CCDC149: variants seen among roughly 807,000 people sequenced by gnomAD.
CCDC149 encodes coiled-coil domain-containing protein 149.
CCDC149 carries 45 observed loss-of-function variants against 59.9 expected under a neutral mutation model. The observed-to-expected ratio is 0.75, with a 90% CI of 0.59 to 0.96. The LOEUF (loss-of-function observed/expected upper bound fraction) is 0.96. Ranked by LOEUF, CCDC149 falls within the 40% of genes least tolerant of loss-of-function variation. The pLI is 0.00. For missense variants in CCDC149, 584 were observed against 664.7 expected, an observed-to-expected ratio of 0.88 and a Z score of 1.33; for synonymous variants, 245 against 260.6, an observed-to-expected ratio of 0.94 and a Z score of 0.58.
At chr4:24,891,754 T>C (rs1234189821) in intron 1 of CCDC149, among the ~76,000 whole-genome samples, 1 of 152,176 alleles carries the variant, frequency 6.6e-6, no homozygotes. Flanking sequence ...ATCCCAGCAC[T>C]TTAGGAGGCC....
At chr4:24,824,549 C>A (rs1577384118) in intron 9 of CCDC149, among the ~76,000 whole-genome samples, 1 of 152,168 alleles carries the variant, frequency 6.6e-6, no homozygotes, top group African/African-American at 2.4e-5. Context: ...GTATTGTTAT[C>A]CTCCTTTTAC....
At position 24,876,711 on chromosome 4, in the gene CCDC149, A is replaced by G. The variant is rs1456358079; in HGVS notation, c.64-14T>C. 5 of 1,596,344 alleles carry G rather than the reference A, an allele frequency of 3.1e-6. No individual in the cohort carries two copies. In the African/African-American group the frequency reaches 6.7e-5, roughly 21 times the overall value. The stretch of plus-strand genomic sequence containing the variant: ...ACACACCAGGTACTGCAAAGCAAAC[A>G]AATCCAGGCAATGGGTCAAAAACAT... On this transcript the variant is annotated splice_polypyrimidine_tract_variant and intron_variant, in intron 1 of 12. Coordinates refer to ENST00000635206, the MANE Select transcript of CCDC149 (RefSeq NM_001330643.2).
At chr4:24,873,312 A>T (rs887782220) in intron 3 of CCDC149, among the ~76,000 whole-genome samples, 1 of 152,222 alleles carries the variant, frequency 6.6e-6, no homozygotes, top group African/African-American at 2.4e-5. Context: ...AACAGTATAT[A>T]TCCACTGAAC....
intron 4 of CCDC149, among the ~76,000 whole-genome samples, chr4:24,849,937 C>A (rs1056954722): frequency 6.6e-6 from 1 of 152,190 alleles, no homozygotes; most frequent in African/African-American, 2.4e-5. Context: ...TATCCCTTGT[C>A]CCCCAAGGCT....
chr4:24,879,748 G>A (rs1220349221), intron 1 of CCDC149, among the ~76,000 whole-genome samples: 1 of 152,028 alleles, frequency 6.6e-6, no homozygotes, highest in African/African-American at 2.4e-5. Context: ...TGGGATGCTT[G>A]TTAAAATGCA....
chr4:24,819,976 CT>C lies in CCDC149; in HGVS notation c.1076-2del, dbSNP rs1401557893. 2.6e-6 allele frequency: 4 copies of C among 1,545,688 alleles called. No individual in the cohort carries two copies. The East Asian group carries it at 9.8e-5, about 38-fold the overall frequency. Reference sequence around the variant, plus strand: ...CTGAACAGTATGGTGTCCTTGCCCCCTGTTGCAGAAAAGAGGAAAATGGATG... The same window carrying C: ...CTGAACAGTATGGTGTCCTTGCCCCCGTTGCAGAAAAGAGGAAAATGGATG... On this transcript the variant is annotated splice_acceptor_variant, in intron 11 of 12. Transcript: ENST00000635206. LOFTEE classifies it high-confidence loss of function.
At chr4:24,935,377 G>C (rs1297914377) in intron 1 of CCDC149, among the ~76,000 whole-genome samples, 1 of 152,266 alleles carries the variant, frequency 6.6e-6, no homozygotes, top group East Asian at 1.9e-4. Flanking sequence ...AATAATTCAA[G>C]GGGACTATTA....
At chr4:24,904,836 G>T (rs1008173902) in intron 1 of CCDC149, among the ~76,000 whole-genome samples, 5 of 152,110 alleles carry the variant, frequency 3.3e-5, no homozygotes, top group Non-Finnish European at 7.4e-5. Flanking sequence ...CTCTTCTTCA[G>T]TGCAGGGTTT....
chr4:24,890,371 T>C (rs1445335487), intron 1 of CCDC149, among the ~76,000 whole-genome samples: 1 of 152,092 alleles, frequency 6.6e-6, no homozygotes, highest in African/African-American at 2.4e-5. Context: ...AAAAAAAAAT[T>C]ATGAAGCTTG....
At chr4:24,827,871 A>C (rs971301366) in intron 9 of CCDC149, 2 of 152,188 alleles carry the variant, frequency 1.3e-5, no homozygotes, top group African/African-American at 4.8e-5. Flanking sequence ...AAATAAAGCC[A>C]TTTCTTTTCT....
intron 8 of CCDC149, 113 bp from the exon 9 acceptor site, chr4:24,831,763 T>A: frequency 1.1e-6 from 1 of 926,604 alleles, no homozygotes; most frequent in South Asian, 1.8e-5. Context: ...AAAATGCTAC[T>A]ATGTTGTATT....
rs1238651327 is a variant in CCDC149, at chr4:24,884,966, TGTGACAA to T, written c.64-8276_64-8270del. On this transcript the variant is annotated intron_variant, in intron 1 of 12. Transcript: ENST00000635206. ...CATCTTGGTTGGGGATAGACGGAGC[TGTGACAA>T]GTGGCAGTGACAGGGAAAATGTTAC... Among the ~76,000 whole-genome samples, 5 of 152,112 alleles carry T rather than the reference TGTGACAA, an allele frequency of 3.3e-5. No homozygotes were observed. In the East Asian group the frequency reaches 9.6e-4, roughly 29 times the overall value.
chr4:24,849,430 G>A (rs1265606432), intron 4 of CCDC149, among the ~76,000 whole-genome samples: 3 of 152,122 alleles, frequency 2.0e-5, no homozygotes, highest in Non-Finnish European at 4.4e-5. Context: ...GTTAGTTTGG[G>A]AGCCTAAGAA....
intron 4 of CCDC149, among the ~76,000 whole-genome samples, chr4:24,842,312 C>T (rs1407540451): frequency 6.6e-6 from 1 of 152,218 alleles, no homozygotes; most frequent in Non-Finnish European, 1.5e-5. Flanking sequence ...TTTCCCCACA[C>T]AGAAGCCCAC....
At chr4:24,961,972 A>C (rs1340461551) in intron 1 of CCDC149, among the ~76,000 whole-genome samples, 4 of 151,294 alleles carry the variant, frequency 2.6e-5, no homozygotes, top group Non-Finnish European at 4.4e-5. Context: ...GATCTAATTC[A>C]ACTAAAGAGC....
At chr4:24,913,462 A>G (rs977046172), upstream of CCDC149, among the ~76,000 whole-genome samples, 1 of 152,266 alleles carries the variant, frequency 6.6e-6, no homozygotes, top group Non-Finnish European at 1.5e-5. Flanking sequence ...GAATGAATGA[A>G]CCACGTTTTA....
chr4:24,943,452 C>G lies in CCDC149; in HGVS notation c.-65+36617G>C, dbSNP rs199581254. ...AAAGACTTAAATGTTAGACCTAAAA[C>G]CATAAAAACCCTAGAAGAAAACCTA... is the stretch of plus-strand genomic sequence containing the variant. On this transcript the variant is annotated intron_variant, in intron 1 of 12. Transcript: ENST00000389609. Among the ~76,000 whole-genome samples the G allele has an allele frequency of 3.3e-5, 5 of 152,034 alleles. No individual in the cohort carries two copies. In the East Asian group the frequency reaches 9.7e-4, roughly 29 times the overall value.
intron 1 of CCDC149, among the ~76,000 whole-genome samples, chr4:24,886,490 A>G (rs1340138658): frequency 6.6e-6 from 1 of 152,240 alleles, no homozygotes; most frequent in African/African-American, 2.4e-5. Context: ...ATTAATGTAC[A>G]CAGACTGTAT....
At position 24,876,689 on chromosome 4, in the gene CCDC149, C is replaced by T. The variant is rs1560232326; in HGVS notation, c.72G>A (p.Val24=). Residue 24 remains valine, a synonymous_variant, in exon 2 of 13, where the codon GTG becomes GTA. Transcript: ENST00000635206. ...TCTTACTCTCCAGCTTCCTCTTACACACCAGGTACTGCAAAGCAAACAAAT... is the reference window on the plus strand; with the variant it reads ...TCTTACTCTCCAGCTTCCTCTTACATACCAGGTACTGCAAAGCAAACAAAT... The T allele has an allele frequency of 1.9e-6, 3 of 1,610,926 alleles. No homozygotes were observed. The highest frequency in any genetic ancestry group is 2.5e-6 in the Non-Finnish European group (3 of 1,178,524).
Sources: gnomAD v4.1 joint callset for allele counts (sites outside exome capture counted in the v4.1 genomes callset) on GRCh38, gnomAD v4.1.1 for gene constraint, MANE v1.5 for transcripts, NCBI Gene and HGNC (gene_info 2026-07-23, HGNC 2026-07-21) for gene names.